Variants in LRRC43 observed in about 807,000 individuals in gnomAD.
The protein encoded by LRRC43 is leucine rich repeat containing 43, also known as leucine-rich repeat-containing protein 43.
LRRC43 carries 62 observed loss-of-function variants against 64.3 expected under a neutral mutation model. That is an observed-to-expected ratio of 0.96 (90% CI 0.79 to 1.19). The LOEUF (loss-of-function observed/expected upper bound fraction) is 1.19. LRRC43 is among the 50% of genes most tolerant of loss of function. The probability of loss-of-function intolerance (pLI) is 0.00; values close to 1 mark genes in which losing one functional copy is unlikely to be tolerated. For synonymous variants in LRRC43, 422 were observed against 382.3 expected (o/e 1.10, Z -1.21); for missense variants, 868 against 845.0 (o/e 1.03, Z -0.34).
intron 1 of LRRC43, among the ~76,000 whole-genome samples, chr12:122,177,979 AG>A (rs2136022220): frequency 6.6e-6 from 1 of 152,016 alleles, no homozygotes; most frequent in South Asian, 2.1e-4. Context: ...CTGGGATTAC[AG>A]GTACGTGCCA....
chr12:122,186,465 A>T (rs1286713139), intron 3 of LRRC43, among the ~76,000 whole-genome samples, 165 bp downstream of exon 3: 1 of 152,222 alleles, frequency 6.6e-6, no homozygotes, highest in African/African-American at 2.4e-5. Context: ...TAGAATAACC[A>T]TATGACCCAG....
At chr12:122,186,847 A>C (rs1953650801) in intron 3 of LRRC43, among the ~76,000 whole-genome samples, 1 of 152,174 alleles carries the variant, frequency 6.6e-6, no homozygotes, top group African/African-American at 2.4e-5. Context: ...TGAACCCAGG[A>C]GGCAAGGGTT....
intron 7 of LRRC43, among the ~76,000 whole-genome samples, chr12:122,199,693 C>T (rs1953812598): frequency 6.6e-6 from 1 of 152,024 alleles, no homozygotes; most frequent in Non-Finnish European, 1.5e-5. Context: ...AAGCAATCCT[C>T]CTACCTCAGC....
At chr12:122,199,035 T>C (rs1953803505) in intron 7 of LRRC43, among the ~76,000 whole-genome samples, 1 of 150,924 alleles carries the variant, frequency 6.6e-6, no homozygotes, top group African/African-American at 2.4e-5. Flanking sequence ...TGGAGTGCAG[T>C]GGCGCGATCT....
chr12:122,168,160 G>T (rs1367413449), intron 1 of LRRC43, among the ~76,000 whole-genome samples: 7 of 151,168 alleles, frequency 4.6e-5, no homozygotes, highest in South Asian at 2.1e-4. Flanking sequence ...AAGTGGGAAG[G>T]CCGGGTGTGG....
At chr12:122,180,924 A>C (rs1206014896), upstream of LRRC43, among the ~76,000 whole-genome samples, 6 of 152,066 alleles carry the variant, frequency 3.9e-5, no homozygotes, top group Admixed American at 6.6e-5. Flanking sequence ...TATTTATTTT[A>C]TTCTTTGAGA....
At chr12:122,195,488 G>A (rs147308721) in intron 7 of LRRC43, among the ~76,000 whole-genome samples, 3 of 152,048 alleles carry the variant, frequency 2.0e-5, no homozygotes, top group African/African-American at 2.4e-5. Flanking sequence ...TGGTCCATCC[G>A]CCTCAGCCTC....
At position 122,190,195 on chromosome 12, in the gene LRRC43, G is replaced by T. The variant is rs558151255; in HGVS notation, c.728G>T (p.Ser243Ile). Residue 243 changes from serine (S) to isoleucine (I), a missense_variant, in exon 5 of 12, where the codon AGC becomes ATC. Coordinates refer to ENST00000339777, the MANE Select transcript of LRRC43 (RefSeq NM_001098519.2). The stretch of plus-strand genomic sequence containing the variant: ...ACAGACCTGCAGAGCATGGTCACCA[G>T]CCTGAGGACCCTCCGGCACCTGCGA... ...DLTDLQSMVT[S>I]LRTLRHLRLL... 1 of 1,614,156 alleles carries T rather than the reference G, an allele frequency of 6.2e-7. No homozygotes were observed. Among genetic ancestry groups the T allele is most frequent in the Admixed American group, 1.7e-5 (1 of 60,016 alleles).
At chr12:122,199,245 T>C (rs1953805817) in intron 7 of LRRC43, among the ~76,000 whole-genome samples, 1 of 151,570 alleles carries the variant, frequency 6.6e-6, no homozygotes, top group Non-Finnish European at 1.5e-5. Context: ...CCCCTCTGTG[T>C]TCTAGCCTGG....
chr12:122,186,659 C>T (rs1476601316), intron 3 of LRRC43, among the ~76,000 whole-genome samples: 1 of 152,208 alleles, frequency 6.6e-6, no homozygotes, highest in East Asian at 1.9e-4. Flanking sequence ...TGGCTCACAC[C>T]TGTAATCCCA....
rs1261735770 is a variant in LRRC43, at chr12:122,183,208, C to CCCGGGA, written c.74_79dup (p.Gly25_Thr26dup). The CCCGGGA allele has an allele frequency of 1.9e-6, 3 of 1,564,774 alleles. No homozygotes were observed. The highest frequency in any genetic ancestry group is 1.7e-4 in the Middle Eastern group (1 of 5,988). ...TGAGGCCGGGCCTGGGACTCAGCGG[C>CCCGGGA]CCGGGACCGGGACCGTGAGCGCGGC... is the stretch of plus-strand genomic sequence containing the variant. On this transcript the variant is annotated inframe_insertion, in exon 1 of 12. Coordinates refer to ENST00000339777, the MANE Select transcript of LRRC43 (RefSeq NM_001098519.2).
chr12:122,187,855 C>T lies in LRRC43; in HGVS notation c.662+15C>T, dbSNP rs774804682. ...GCTAATCACTGGTAACTCGGGAGCC[C>T]AGATGGAAAGTGAGAGGGAGGGATT... On this transcript the variant is annotated intron_variant, in intron 4 of 11. Coordinates refer to ENST00000339777, the MANE Select transcript of LRRC43 (RefSeq NM_001098519.2). The T allele has an allele frequency of 6.2e-7, 1 of 1,613,490 alleles. No homozygotes were observed. Among genetic ancestry groups the T allele is most frequent in the East Asian group, 2.2e-5 (1 of 44,864 alleles).
chr12:122,170,360 G>A (rs538143763), intron 1 of LRRC43, among the ~76,000 whole-genome samples: 9 of 152,154 alleles, frequency 5.9e-5, no homozygotes, highest in Admixed American at 1.3e-4. Flanking sequence ...GGCCGGGCAC[G>A]GTGGCTCACA....
intron 4 of LRRC43, chr12:122,189,310 G>A (rs1008261564): frequency 4.8e-6 from 2 of 417,072 alleles, no homozygotes; most frequent in East Asian, 1.4e-4. Context: ...CCCTTGGGGG[G>A]TCCAACCCTC....
upstream of LRRC43, chr12:122,182,975 G>C: frequency 8.9e-7 from 1 of 1,125,822 alleles, no homozygotes; most frequent in Middle Eastern, 3.0e-4. Flanking sequence ...AGAACCACCA[G>C]CTGTTATCCC....
chr12:122,185,595 T>C (rs1953634056), intron 2 of LRRC43, among the ~76,000 whole-genome samples: 1 of 152,166 alleles, frequency 6.6e-6, no homozygotes, highest in African/African-American at 2.4e-5. Flanking sequence ...TTGGCTTTCT[T>C]TTTCCAGAGC....
chr12:122,185,467 T>C (rs1430890646), intron 2 of LRRC43, among the ~76,000 whole-genome samples: 1 of 152,172 alleles, frequency 6.6e-6, no homozygotes, highest in Non-Finnish European at 1.5e-5. Flanking sequence ...AATGAGACCC[T>C]GTCTCAATCA....
chr12:122,189,979 G>A (rs1005087838), intron 4 of LRRC43, 151 bp from the exon 5 acceptor site: 21 of 706,798 alleles, frequency 3.0e-5, no homozygotes, highest in East Asian at 1.7e-4. Context: ...TTCCCGACCC[G>A]GGGTTAACTT....
chr12:122,203,288 C>T, intron 11 of LRRC43, 27 bp from the exon 12 acceptor site: 5 of 1,605,676 alleles, frequency 3.1e-6, no homozygotes, highest in Non-Finnish European at 3.4e-6. Flanking sequence ...TCTCCCGGGG[C>T]TCATGCTCGC....
Sources: allele counts gnomAD v4.1 joint callset (sites outside exome capture counted in the v4.1 genomes callset), GRCh38; gene constraint gnomAD v4.1.1; transcripts MANE v1.5; gene names NCBI Gene and HGNC (gene_info 2026-07-23, HGNC 2026-07-21).